MME: variants seen among roughly 807,000 people sequenced by gnomAD.
MME encodes membrane metalloendopeptidase, also known as neprilysin.
A neutral mutation model predicts 113.2 loss-of-function variants in MME; 98 were observed. The ratio of observed to expected loss-of-function variants is 0.87; its 90% CI spans 0.74 to 1.02. MME has a LOEUF of 1.02. Among genes scored for constraint, MME ranks in the 50% least tolerant of loss-of-function variants. MME has a pLI of 0.00. For synonymous variants in MME, 292 were observed against 300.6 expected, an observed-to-expected ratio of 0.97 and a Z score of 0.30; for missense variants, 836 against 896.0, an observed-to-expected ratio of 0.93 and a Z score of 0.86.
chr3:155,157,014 C>T (rs193268435), intron 16 of MME, among the ~76,000 whole-genome samples: 3 of 152,100 alleles, frequency 2.0e-5, no homozygotes, highest in South Asian at 2.1e-4. Context: ...TTCATCAGCA[C>T]TAAGCTTCTT....
At chr3:155,151,235 C>T (rs543822704) in intron 16 of MME, among the ~76,000 whole-genome samples, 1 of 152,238 alleles carries the variant, frequency 6.6e-6, no homozygotes, top group Admixed American at 6.5e-5. Context: ...TTTTCAGATG[C>T]TCAAGATCCT....
At chr3:155,117,183 T>G (rs1559928819) in intron 7 of MME, among the ~76,000 whole-genome samples, 197 bp downstream of exon 7, 1 of 152,218 alleles carries the variant, frequency 6.6e-6, no homozygotes, top group Non-Finnish European at 1.5e-5. Context: ...TTTTCGACAT[T>G]CACCCCTTGC....
At chr3:155,053,244 G>A (rs538685701) in intron 1 of MME, among the ~76,000 whole-genome samples, 2 of 152,246 alleles carry the variant, frequency 1.3e-5, no homozygotes, top group South Asian at 4.2e-4. Context: ...CTTCACAGCA[G>A]CACCCATTCT....
intron 3 of MME, among the ~76,000 whole-genome samples, chr3:155,087,270 G>A (rs1271001959): frequency 7.2e-5 from 9 of 125,410 alleles, no homozygotes; most frequent in Non-Finnish European, 1.2e-4. Context: ...TTTTTGTATC[G>A]TTTTTTGATG....
rs200760861 is a variant in MME, at chr3:155,033,801, T to TA, written c.-11+9486dup. Among the ~76,000 whole-genome samples, 237 of 151,284 alleles carry TA rather than the reference T, an allele frequency of 1.6e-3. 1 individual carries two copies. Among genetic ancestry groups the TA allele is most frequent in the African/African-American group, 5.4e-3 (224 of 41,310 alleles). On this transcript the variant is annotated intron_variant, in intron 1 of 22. Coordinates refer to the MME transcript ENST00000492661. ...ATGAACAGATATACCTATGTTTTAT[T>TA]AAAAAAAAATGTAGTCCATCAGGGG...
chr3:155,035,621 G>A (rs951621723), intron 1 of MME, among the ~76,000 whole-genome samples: 1 of 152,176 alleles, frequency 6.6e-6, no homozygotes, highest in Non-Finnish European at 1.5e-5. Flanking sequence ...TGGAAGGGCT[G>A]TGTAGATATA....
intron 3 of MME, among the ~76,000 whole-genome samples, chr3:155,101,452 A>G (rs1207422623): frequency 1.3e-5 from 2 of 152,146 alleles, no homozygotes; most frequent in African/African-American, 4.8e-5. Context: ...GGCCAAGGTC[A>G]GTAGCTCAAA....
At chr3:155,125,425 G>A (rs896586378) in intron 8 of MME, among the ~76,000 whole-genome samples, 1 of 142,974 alleles carries the variant, frequency 7.0e-6, no homozygotes, top group African/African-American at 2.6e-5. Context: ...TTCCTATTCG[G>A]CCAACTTGGC....
At chr3:155,068,098 A>G (rs1344545893) in intron 1 of MME, among the ~76,000 whole-genome samples, 1 of 152,232 alleles carries the variant, frequency 6.6e-6, no homozygotes, top group Non-Finnish European at 1.5e-5. Context: ...ATTCAATAAT[A>G]AACAAAAGAA....
chr3:155,033,307 A>G (rs73874453), intron 1 of MME, among the ~76,000 whole-genome samples: 3,266 of 152,316 alleles, frequency 0.021, 113 homozygotes, highest in African/African-American at 0.069. Context: ...CATGATAAGA[A>G]GAAAATACAG....
In MME at chr3:155,049,667, C is replaced by CTATA. The variant is rs1389569541; in HGVS notation, c.-11+25346_-11+25347insATAT. On this transcript the variant is annotated intron_variant, in intron 1 of 22. Coordinates refer to the MME transcript ENST00000492661. ...TCTATCTATCTATCTATCTATCTAT[C>CTATA]TATCTATATATAGAGAGAGAACAGA... 5.1e-5 allele frequency among the ~76,000 whole-genome samples: 6 copies of CTATA among 118,104 alleles called. No individual in the cohort carries two copies. The South Asian group carries it at 7.8e-4, about 15-fold the overall frequency. 77.5% of individuals were successfully genotyped at this position (118,104 alleles called of 152,430 possible). A position where few individuals can be genotyped will look rare whatever the true frequency, so the allele number is the denominator to read the frequency against.
At chr3:155,105,364 T>G (rs574106847) in intron 3 of MME, among the ~76,000 whole-genome samples, 299 of 152,320 alleles carry the variant, frequency 2.0e-3, no homozygotes, top group Non-Finnish European at 3.5e-3. Flanking sequence ...CTGTAGAGTT[T>G]CTGAAAATTT....
At chr3:155,106,657 TG>T (rs1227025285) in intron 3 of MME, among the ~76,000 whole-genome samples, 1 of 152,150 alleles carries the variant, frequency 6.6e-6, no homozygotes, top group Non-Finnish European at 1.5e-5. Context: ...GAATTGTGGT[TG>T]GGGGGATGGT....
chr3:155,068,556 A>AT (rs1201821403), intron 1 of MME, among the ~76,000 whole-genome samples: 2 of 152,148 alleles, frequency 1.3e-5, no homozygotes, highest in Non-Finnish European at 2.9e-5. Context: ...TATCAGCTAC[A>AT]TTTTTTTGTT....
intron 16 of MME, among the ~76,000 whole-genome samples, chr3:155,156,262 T>C (rs938408274): frequency 1.3e-5 from 2 of 152,188 alleles, no homozygotes; most frequent in African/African-American, 4.8e-5. Context: ...CTGGTGATAA[T>C]GACTTCACTT....
chr3:155,172,496 AC>A (rs1161756004), intron 21 of MME, 39 bp from the exon 22 acceptor site: 9 of 1,467,412 alleles, frequency 6.1e-6, no homozygotes, highest in Non-Finnish European at 8.6e-6. Flanking sequence ...CCTTGATTGA[AC>A]CTGAGTACAT....
intron 1 of MME, among the ~76,000 whole-genome samples, chr3:155,050,186 A>G (rs2108127316): frequency 6.6e-6 from 1 of 152,284 alleles, no homozygotes; most frequent in South Asian, 2.1e-4. Flanking sequence ...ATGGCTGCGT[A>G]GTATTCCATG....
chr3:155,147,341 A>G, intron 15 of MME, 117 bp downstream of exon 15: 1 of 725,380 alleles, frequency 1.4e-6, no homozygotes, highest in Non-Finnish European at 2.5e-6. Flanking sequence ...AGGTTGTATT[A>G]TATAAAGCCT....
At chr3:155,152,820 G>T (rs145995556) in intron 16 of MME, among the ~76,000 whole-genome samples, 23 of 150,870 alleles carry the variant, frequency 1.5e-4, no homozygotes, top group African/African-American at 5.4e-4. Context: ...TAGCCTGAGC[G>T]ACAGAGAGAC....
Sources: allele counts gnomAD v4.1 joint callset (sites outside exome capture counted in the v4.1 genomes callset), GRCh38; gene constraint gnomAD v4.1.1; transcripts MANE v1.5; gene names NCBI Gene and HGNC (gene_info 2026-07-23, HGNC 2026-07-21).